ATP13A2: variants seen among roughly 807,000 people sequenced by gnomAD.
ATP13A2 encodes polyamine-transporting ATPase 13A2.
In ATP13A2, 83 loss-of-function variants were observed where a neutral mutation model predicts 138.3. The ratio of observed to expected loss-of-function variants is 0.60; its 90% confidence interval spans 0.50 to 0.72. ATP13A2 has a LOEUF of 0.72. Among genes scored for constraint, ATP13A2 ranks in the 30% least tolerant of loss-of-function variants. ATP13A2 has a pLI of 0.00. For synonymous variants in ATP13A2, 663 were observed against 699.0 expected (o/e 0.95, Z 0.81); for missense variants, 1,402 against 1,606.4 (o/e 0.87, Z 2.17).
In ATP13A2 at chr1:16,986,299, G is replaced by A; in HGVS notation, c.3465C>T (p.Ser1155=). 6.3e-7 allele frequency: 1 copy of A among 1,599,134 alleles called. No individual in the cohort carries two copies. The highest frequency in any genetic ancestry group is 8.5e-7 in the Non-Finnish European group (1 of 1,173,952). The part of the protein sequence containing the change: ...CLRRLRPKRA[S]KKRFKQLERE... Reference sequence around the variant, plus strand: ...GTTCCAGCTGCTTGAAGCGCTTCTTGGAGGCCCGCTTGGGCCGGAGGCGGC... The same window carrying A: ...GTTCCAGCTGCTTGAAGCGCTTCTTAGAGGCCCGCTTGGGCCGGAGGCGGC... The change falls in exon 29 of 29, where the codon TCC becomes TCT. Residue 1155 remains serine, a synonymous_variant. Transcript: ENST00000326735. The surrounding 1 kb of genome is among the most constrained non-coding windows in gnomAD (Gnocchi z 6.9).
In ATP13A2 at chr1:17,002,387, C is replaced by A. The variant is rs375456896; in HGVS notation, c.558-14G>T. The A allele has an allele frequency of 6.2e-7, 1 of 1,610,908 alleles. No homozygotes were observed. The highest frequency in any genetic ancestry group is 8.5e-7 in the Non-Finnish European group (1 of 1,179,134). On this transcript the variant is annotated splice_polypyrimidine_tract_variant and intron_variant, in intron 6 of 28. Coordinates refer to ENST00000326735, the MANE Select transcript of ATP13A2 (RefSeq NM_022089.4). The stretch of plus-strand genomic sequence containing the variant: ...TGGTCCAGGAGGCTGGGGGTGGGTG[C>A]GAGGGGACACGCATGGGCCATGGGG...
chr1:17,011,761 CGGCCCCGGCGCTGCGGCCCTCGGCCTG>C lies in ATP13A2; in HGVS notation c.-50_-24del. ...CATGCCGGCTCCTCGCGCTCATCGC[CGGCCCCGGCGCTGCGGCCCTCGGCCTG>C]GGCCCCGGCGTGCGCAAGGCCCTGG... On this transcript the variant is annotated 5_prime_UTR_variant, in exon 1 of 29. Transcript: ENST00000326735. This position sits in a 1 kb window ranked among gnomAD's most constrained non-coding sequence, Gnocchi z 7.3. 2.1e-6 allele frequency: 3 copies of C among 1,442,906 alleles called. No individual in the cohort carries two copies. The highest frequency in any genetic ancestry group is 2.7e-6 in the Non-Finnish European group (3 of 1,100,800). The allele number at this position is 1,442,906 out of a possible 1,614,324, so 89.4% of individuals were successfully genotyped here. A position where few individuals can be genotyped will look rare whatever the true frequency, so the allele number is the denominator to read the frequency against.
chr1:17,009,564 ATTT>A (rs938520560), intron 1 of ATP13A2, among the ~76,000 whole-genome samples: 1 of 150,362 alleles, frequency 6.7e-6, no homozygotes, highest in Non-Finnish European at 1.5e-5. Context: ...CACCAGGCTA[ATTT>A]TTTTTTAGTA....
chr1:16,998,791 A>G lies in ATP13A2; in HGVS notation c.1039+1220T>C, dbSNP rs542798026. Among the ~76,000 whole-genome samples the G allele has an allele frequency of 2.0e-5, 3 of 152,292 alleles. No homozygotes were observed. In the South Asian group the frequency reaches 6.2e-4, roughly 32 times the overall value. ...TCTCATGCAGCCATGAGGTGGGGCC[A>G]TCCGTGCTTGTGGAAGGATGCCAGG... On this transcript the variant is annotated intron_variant, in intron 11 of 28. Coordinates refer to ENST00000326735, the MANE Select transcript of ATP13A2 (RefSeq NM_022089.4).
chr1:16,994,984 C>G (rs933183329), intron 15 of ATP13A2, among the ~76,000 whole-genome samples: 6 of 152,174 alleles, frequency 3.9e-5, no homozygotes, highest in Non-Finnish European at 7.3e-5. Context: ...TAAAAGCGCT[C>G]TGTGGCCCCC....
chr1:16,996,131 C>G lies in ATP13A2; in HGVS notation c.1387G>C (p.Asp463His), dbSNP rs776550207. The change falls in exon 15 of 29, where the codon GAC (aspartate) becomes CAC (histidine). Residue 463 changes from aspartate to histidine, a missense_variant. Asp to His is a moderately conservative substitution (Grantham distance 81). Coordinates refer to ENST00000326735, the MANE Select transcript of ATP13A2 (RefSeq NM_022089.4). Reference protein sequence around the residue: ...PLNEIVIRALDLVTVVVPPAL... With the variant: ...PLNEIVIRALHLVTVVVPPAL... ...GGTGGCACCACCACGGTCACCAGGT[C>G]GAGAGCCCGGATTACAATCTCATTC... The G allele has an allele frequency of 1.2e-6, 2 of 1,614,082 alleles. No homozygotes were observed. Among genetic ancestry groups the G allele is most frequent in the Non-Finnish European group, 8.5e-7 (1 of 1,180,020 alleles).
intron 20 of ATP13A2, among the ~76,000 whole-genome samples, chr1:16,990,818 G>A (rs1158487199): frequency 6.6e-6 from 1 of 152,154 alleles, no homozygotes; most frequent in African/African-American, 2.4e-5. Flanking sequence ...CATGTGCCCA[G>A]GCTACATATA....
intron 24 of ATP13A2, 32 bp from the exon 25 acceptor site, chr1:16,988,266 C>G: frequency 6.2e-7 from 1 of 1,614,162 alleles, no homozygotes; most frequent in Admixed American, 1.7e-5. Context: ...TTAGGGGACC[C>G]AGGTTGGCTG....
rs2077152926 is a variant in ATP13A2, at chr1:16,997,020, C to A, written c.1195G>T (p.Gly399Trp). 6.2e-7 allele frequency: 1 copy of A among 1,611,758 alleles called. No individual in the cohort carries two copies. The highest frequency in any genetic ancestry group is 8.5e-7 in the Non-Finnish European group (1 of 1,179,864). Residue 399 changes from glycine to tryptophan, a missense_variant and splice_region_variant, in exon 12 of 29, where the codon GGG becomes TGG. Coordinates refer to ENST00000326735, the MANE Select transcript of ATP13A2 (RefSeq NM_022089.4). The part of the protein sequence containing the change: ...PHVLAVVTRT[G>W]FCTAKGGLVS... The stretch of plus-strand genomic sequence containing the variant: ...TCAAGCCCAGCCTCCCGGCTCATAC[C>A]TGTGCGGGTCACCACTGCCAGGACG...
chr1:17,002,143 C>T, intron 7 of ATP13A2, 40 bp from the exon 8 acceptor site: 1 of 1,605,308 alleles, frequency 6.2e-7, no homozygotes, highest in South Asian at 1.1e-5. Context: ...GAAGGAGGAG[C>T]TGTGGCTGGA....
Position 16,999,997 on chromosome 1 carries a change from G to A in ATP13A2, c.1039+14C>T, listed in dbSNP as rs761889303. 5.0e-6 allele frequency: 8 copies of A among 1,597,418 alleles called. No homozygotes were observed. The highest frequency in any genetic ancestry group is 6.0e-6 in the Non-Finnish European group (7 of 1,170,532). On this transcript the variant is annotated intron_variant, in intron 11 of 28. Coordinates refer to ENST00000326735, the MANE Select transcript of ATP13A2 (RefSeq NM_022089.4). ...GGGAGGAAGGAAGCTGCAGGCCAGG[G>A]GCTGGGGGCTCACCTGTCAGAGAGC...
rs573314582 is a variant in ATP13A2 at position 16,991,714 on chromosome 1, G to A, written c.2251+20C>T. On this transcript the variant is annotated intron_variant, in intron 20 of 28. Coordinates refer to ENST00000326735, the MANE Select transcript of ATP13A2 (RefSeq NM_022089.4). The stretch of plus-strand genomic sequence containing the variant: ...GGCGGATTCTGCCCTGCTAGCCCGG[G>A]CCCCTACATGCCATTGTACCTGTCA... The A allele has an allele frequency of 1.3e-4, 210 of 1,614,006 alleles. 4 individuals are homozygous for A. In the South Asian group the frequency reaches 2.3e-3, roughly 17 times the overall value.
chr1:16,991,871 C>A lies in ATP13A2; in HGVS notation c.2127-13G>T. ...TTCCACAGTGTCCCTGGAGGGTGGG[C>A]AGACCTGGATCAGAGGTCATGCAGT... On this transcript the variant is annotated splice_polypyrimidine_tract_variant and intron_variant, in intron 19 of 28. Transcript: ENST00000326735. The A allele has an allele frequency of 6.2e-7, 1 of 1,614,054 alleles. No individual in the cohort carries two copies. Among genetic ancestry groups the A allele is most frequent in the Non-Finnish European group, 8.5e-7 (1 of 1,180,038 alleles).
rs780119937 is a variant in ATP13A2 at position 16,993,676 on chromosome 1, G to A, written c.1702C>T (p.Pro568Ser). Residue 568 changes from proline to serine, a missense_variant, in exon 16 of 29, where the codon CCC (proline) becomes TCC (serine). By Grantham distance (74) the Pro-to-Ser change is moderately conservative. Transcript: ENST00000326735. ...CHALSRLQDT[P>S]VGDPMDLKMV... ...TTCAAGTCCATGGGGTCGCCCACGG[G>A]GGTGTCCTGGAGCCGGCTGAGGGCA... 5 of 1,596,732 alleles carry A rather than the reference G, an allele frequency of 3.1e-6. No homozygotes were observed. The South Asian group carries it at 3.4e-5, about 11-fold the overall frequency.
At position 17,011,681 on chromosome 1, in the gene ATP13A2, G is replaced by A. The variant is rs758243319; in HGVS notation, c.10+48C>T. On this transcript the variant is annotated intron_variant, in intron 1 of 28. Transcript: ENST00000326735. This position sits in a 1 kb window ranked among gnomAD's most constrained non-coding sequence, Gnocchi z 7.3. ...CTCCAAGGGGTGACGACAACTGGCGGGCCGGGGACCGCGCCGGGCTCGGGG... is the reference window on the plus strand; with the variant it reads ...CTCCAAGGGGTGACGACAACTGGCGAGCCGGGGACCGCGCCGGGCTCGGGG... 4.1e-6 allele frequency: 6 copies of A among 1,481,074 alleles called. No individual in the cohort carries two copies. The highest frequency in any genetic ancestry group is 5.3e-6 in the Non-Finnish European group (6 of 1,122,476). 91.7% of individuals were successfully genotyped at this position (1,481,074 alleles called of 1,614,324 possible).
Position 17,005,397 on chromosome 1 carries a change from C to T in ATP13A2, c.265G>A (p.Val89Ile), listed in dbSNP as rs534590083. 1.6e-5 allele frequency: 26 copies of T among 1,608,404 alleles called. No homozygotes were observed. Among genetic ancestry groups the T allele is most frequent in the Middle Eastern group, 1.7e-4 (1 of 6,002 alleles). Residue 89 changes from valine (V) to isoleucine (I), a missense_variant, in exon 3 of 29, where the codon GTT becomes ATT. Coordinates refer to ENST00000326735, the MANE Select transcript of ATP13A2 (RefSeq NM_022089.4). Reference sequence around the variant, plus strand: ...ACCTCTTTGTCTCTTATTTCGATAACGAGTGTTTCGGCGTGGGCCAGGTTG... The same window carrying T: ...ACCTCTTTGTCTCTTATTTCGATAATGAGTGTTTCGGCGTGGGCCAGGTTG... Reference protein sequence around the residue: ...PCNLAHAETLVIEIRDKEDSS... With the variant: ...PCNLAHAETLIIEIRDKEDSS...
rs2076945908 is a variant in ATP13A2, at chr1:16,991,948, C to A, written c.2126+61G>T. 3.7e-6 allele frequency: 6 copies of A among 1,609,644 alleles called. No individual in the cohort carries two copies. The Admixed American group carries it at 1.0e-4, about 27-fold the overall frequency. The stretch of plus-strand genomic sequence containing the variant: ...GGCAGGGCATCTTCCTTGGGCTCTG[C>A]CTGCGTGAGAGCCTCCCTCTGCCTA... On this transcript the variant is annotated intron_variant, in intron 19 of 28. Transcript: ENST00000326735.
In ATP13A2 at chr1:17,005,750, G is replaced by A. The variant is rs752127537; in HGVS notation, c.39C>T (p.Pro13=). Residue 13 remains proline, a synonymous_variant, in exon 2 of 29, where the codon CCC becomes CCT. Coordinates refer to ENST00000326735, the MANE Select transcript of ATP13A2 (RefSeq NM_022089.4). ...CTATCGTCAGGGTCCCATAACCGGT[G>A]GGCGTGCTGCCCACGAGAGGGCTGC... The part of the protein sequence containing the change: ...ADSSPLVGST[P]TGYGTLTIGT... 71 of 1,612,584 alleles carry A rather than the reference G, an allele frequency of 4.4e-5. No individual in the cohort carries two copies. The highest frequency in any genetic ancestry group is 5.9e-5 in the Non-Finnish European group (70 of 1,179,402).
In ATP13A2 at chr1:17,004,705, A is replaced by C. The variant is rs1333931944; in HGVS notation, c.464T>G (p.Val155Gly). ...TTCAGAACCCACCTGTCCGACACTCACCGCCTCCTCGCTCTTGTGGAGCTG... is the reference window on the plus strand; with the variant it reads ...TTCAGAACCCACCTGTCCGACACTCCCCGCCTCCTCGCTCTTGTGGAGCTG... ...TAQLHKSEEA[V>G]SVGQKRVLRY... Residue 155 changes from valine (V) to glycine (G), a missense_variant, in exon 5 of 29, where the codon GTG becomes GGG. Physicochemically the swap from Val to Gly is moderately radical, Grantham distance 109 (BLOSUM62 -3). Transcript: ENST00000326735. This position sits in a 1 kb window ranked among gnomAD's most constrained non-coding sequence, Gnocchi z 4.1. The C allele has an allele frequency of 6.2e-7, 1 of 1,613,920 alleles. No homozygotes were observed. The highest frequency in any genetic ancestry group is 1.3e-5 in the African/African-American group (1 of 74,926).
Sources: allele counts gnomAD v4.1 joint callset (sites outside exome capture counted in the v4.1 genomes callset), GRCh38; gene constraint gnomAD v4.1.1; non-coding constraint Gnocchi (gnomAD v3.1); transcripts MANE v1.5; gene names NCBI Gene and HGNC (gene_info 2026-07-23, HGNC 2026-07-21).